ZNF385D: variants seen among roughly 807,000 people sequenced by gnomAD.
The protein encoded by ZNF385D is zinc finger protein 659.
In ZNF385D, 15 loss-of-function variants were observed where a neutral mutation model predicts 35.8. The observed-to-expected ratio is 0.42, with a 90% confidence interval of 0.28 to 0.64. The LOEUF (loss-of-function observed/expected upper bound fraction) is 0.64. ZNF385D is among the 30% of genes least tolerant of loss of function. The pLI is 0.23. For missense variants in ZNF385D, 474 were observed against 494.6 expected, an observed-to-expected ratio of 0.96 and a Z score of 0.39; for synonymous variants, 212 against 186.8, an observed-to-expected ratio of 1.13 and a Z score of -1.10.
At chr3:22,372,233 G>A (rs1429590883) in intron 2 of ZNF385D, among the ~76,000 whole-genome samples, 1 of 152,026 alleles carries the variant, frequency 6.6e-6, no homozygotes, top group Non-Finnish European at 1.5e-5. Context: ...TCTTCTCCTT[G>A]GCACCGAGAA....
At chr3:21,522,436 T>A (rs2125504959) in intron 3 of ZNF385D, among the ~76,000 whole-genome samples, 1 of 152,112 alleles carries the variant, frequency 6.6e-6, no homozygotes, top group East Asian at 1.9e-4. Context: ...GCCTCCTGGG[T>A]TCAAGCATTT....
intron 3 of ZNF385D, among the ~76,000 whole-genome samples, chr3:21,947,840 G>A (rs1262919466): frequency 6.6e-6 from 1 of 152,004 alleles, no homozygotes; most frequent in Admixed American, 6.6e-5. Flanking sequence ...TCAGGGTTAT[G>A]TATTTGTCTA....
In ZNF385D at chr3:21,959,450, T is replaced by C. The variant is rs907835025; in HGVS notation, c.325+209367A>G. Among the ~76,000 whole-genome samples, 3 of 152,100 alleles carry C rather than the reference T, an allele frequency of 2.0e-5. No homozygotes were observed. The East Asian group carries it at 5.8e-4, about 29-fold the overall frequency. The stretch of plus-strand genomic sequence containing the variant: ...GTGTTTGTGAGGAACCAGTCAAAAA[T>C]CCAATCTCTATCTTTCCCCTTCAGC... On this transcript the variant is annotated intron_variant, in intron 3 of 5. Transcript: ENST00000494108.
intron 2 of ZNF385D, 37 bp from the exon 3 acceptor site, chr3:21,564,721 A>G (rs145696201): frequency 1.5e-6 from 2 of 1,346,054 alleles, no homozygotes; most frequent in South Asian, 1.5e-5. Flanking sequence ...AAATAGAAAT[A>G]AAGCTTGTCA....
chr3:21,462,969 T>C (rs1013920728), intron 4 of ZNF385D, among the ~76,000 whole-genome samples: 4 of 151,390 alleles, frequency 2.6e-5, no homozygotes, highest in Admixed American at 6.6e-5. Flanking sequence ...GCAACAAGAG[T>C]GAAAACTCTA....
intron 1 of ZNF385D, among the ~76,000 whole-genome samples, chr3:21,706,578 C>G (rs150401941): frequency 1.3e-5 from 2 of 152,154 alleles, no homozygotes; most frequent in Non-Finnish European, 2.9e-5. Flanking sequence ...TGTTCTCAAA[C>G]TCATGTCTAC....
At chr3:22,107,149 G>A (rs1382455116) in intron 3 of ZNF385D, among the ~76,000 whole-genome samples, 2 of 150,480 alleles carry the variant, frequency 1.3e-5, no homozygotes, top group Non-Finnish European at 3.0e-5. Context: ...CTCAGCCCCG[G>A]AGTAGCTGGG....
At chr3:21,868,627 C>G (rs1291307) in intron 3 of ZNF385D, among the ~76,000 whole-genome samples, 2,321 of 152,136 alleles carry the variant, frequency 0.015, 36 homozygotes, top group East Asian at 0.073. Flanking sequence ...AGCTGAGACA[C>G]TGTGGGACAA....
In ZNF385D at chr3:22,011,552, A is replaced by C. The variant is rs562267749; in HGVS notation, c.325+157265T>G. 5.9e-5 allele frequency among the ~76,000 whole-genome samples: 9 copies of C among 152,182 alleles called. No homozygotes were observed. In the South Asian group the frequency reaches 6.2e-4, roughly 11 times the overall value. ...TAATACAGTTTGATATTCCTTAGAAATTTTTCATTTTGATGCATAAAATAA... is the reference window on the plus strand; with the variant it reads ...TAATACAGTTTGATATTCCTTAGAACTTTTTCATTTTGATGCATAAAATAA... On this transcript the variant is annotated intron_variant, in intron 3 of 5. Transcript: ENST00000494108.
intron 1 of ZNF385D, among the ~76,000 whole-genome samples, chr3:21,683,426 G>A (rs2066979591): frequency 6.7e-6 from 1 of 149,556 alleles, no homozygotes; most frequent in Non-Finnish European, 1.5e-5. Context: ...AGACCATCCT[G>A]GCTAACACTG....
intron 3 of ZNF385D, among the ~76,000 whole-genome samples, chr3:22,065,133 A>G (rs1699872267): frequency 6.6e-6 from 1 of 152,206 alleles, no homozygotes; most frequent in Admixed American, 6.5e-5. Context: ...AACTTAATAC[A>G]GAAGATGAAC....
chr3:21,796,191 G>A lies in ZNF385D; in HGVS notation c.326-131163C>T, dbSNP rs139192317. Among the ~76,000 whole-genome samples, 5 of 152,234 alleles carry A rather than the reference G, an allele frequency of 3.3e-5. No homozygotes were observed. The East Asian group carries it at 7.7e-4, about 24-fold the overall frequency. On this transcript the variant is annotated intron_variant, in intron 3 of 5. Coordinates refer to the ZNF385D transcript ENST00000494108. ...TCGGAGCATATTAGAGAACCTCACT[G>A]CTGCAGTAACTAATTATCAGTCTTA...
chr3:21,603,854 G>T (rs1032362263), intron 2 of ZNF385D, among the ~76,000 whole-genome samples: 1 of 152,090 alleles, frequency 6.6e-6, no homozygotes, highest in Non-Finnish European at 1.5e-5. Context: ...TGGGCATAAG[G>T]TGGACTATGC....
intron 3 of ZNF385D, among the ~76,000 whole-genome samples, chr3:22,166,254 T>A (rs368684437): frequency 7.5e-6 from 1 of 133,826 alleles, no homozygotes; most frequent in Non-Finnish European, 1.8e-5. Flanking sequence ...ACTTAAAACG[T>A]CTTGGGGAAA....
intron 3 of ZNF385D, among the ~76,000 whole-genome samples, chr3:21,895,039 G>A (rs889899860): frequency 3.3e-5 from 5 of 152,244 alleles, no homozygotes; most frequent in African/African-American, 1.2e-4. Flanking sequence ...ATAGCAGATA[G>A]GCCAGGGAGA....
chr3:21,819,391 G>GA (rs996926810), intron 3 of ZNF385D, among the ~76,000 whole-genome samples: 18 of 150,918 alleles, frequency 1.2e-4, no homozygotes, highest in African/African-American at 4.4e-4. Context: ...CAAGGTAACA[G>GA]AAAAAAATCT....
chr3:21,452,463 T>C (rs1387513965), intron 4 of ZNF385D, among the ~76,000 whole-genome samples: 2 of 151,932 alleles, frequency 1.3e-5, no homozygotes, highest in East Asian at 3.9e-4. Flanking sequence ...GTATCCAGAT[T>C]AGAGAAGCAG....
intron 3 of ZNF385D, among the ~76,000 whole-genome samples, chr3:21,524,230 GATGA>G (rs148315433): frequency 0.018 from 2,784 of 152,246 alleles, 78 homozygotes; most frequent in African/African-American, 0.062. Flanking sequence ...GTAGATTAGA[GATGA>G]ATTCTAGGCT....
chr3:21,708,842 C>T (rs1236417053), intron 1 of ZNF385D, among the ~76,000 whole-genome samples: 2 of 148,556 alleles, frequency 1.3e-5, no homozygotes, highest in Admixed American at 6.7e-5. Flanking sequence ...ATTAAAGCAT[C>T]CGAAGTGTGT....
Sources: gnomAD v4.1 joint callset for allele counts (sites outside exome capture counted in the v4.1 genomes callset) on GRCh38, gnomAD v4.1.1 for gene constraint, MANE v1.5 for transcripts, NCBI Gene and HGNC (gene_info 2026-07-23, HGNC 2026-07-21) for gene names.